COX7B2: variants seen among roughly 807,000 people sequenced by gnomAD.
COX7B2 encodes cytochrome c oxidase subunit 7B2.
For missense variants in COX7B2, 109 were observed against 95.9 expected (o/e 1.14, Z -0.57); for synonymous variants, 37 against 32.1 (o/e 1.15, Z -0.51).
intron 2 of COX7B2, among the ~76,000 whole-genome samples, chr4:46,815,364 A>C (rs866033782): frequency 1.3e-5 from 2 of 152,178 alleles, no homozygotes; most frequent in Non-Finnish European, 2.9e-5. Flanking sequence ...AGTTGATTCT[A>C]CTCAGAACTC....
intron 1 of COX7B2, among the ~76,000 whole-genome samples, chr4:46,906,957 C>G (rs1313871475): frequency 6.6e-6 from 1 of 152,132 alleles, no homozygotes; most frequent in Non-Finnish European, 1.5e-5. Flanking sequence ...GCTATGTTAC[C>G]TTGAAAACCA....
At chr4:46,908,055 G>A (rs116366362) in intron 1 of COX7B2, among the ~76,000 whole-genome samples, 1 of 151,772 alleles carries the variant, frequency 6.6e-6, no homozygotes, top group East Asian at 1.9e-4. Context: ...GTTTCACCCT[G>A]TTGGCCAGGA....
At chr4:46,740,108 T>A (rs968536429) in intron 2 of COX7B2, among the ~76,000 whole-genome samples, 1 of 152,094 alleles carries the variant, frequency 6.6e-6, no homozygotes, top group South Asian at 2.1e-4. Context: ...TTGTTCTGCA[T>A]TTTAGCTGCA....
rs187593372 is a variant in COX7B2 at position 46,808,338 on chromosome 4, G to T, written c.-50+36622C>A. Among the ~76,000 whole-genome samples, 193 of 151,698 alleles carry T rather than the reference G, an allele frequency of 1.3e-3. 3 individuals carry two copies. Among genetic ancestry groups the T allele is most frequent in the Admixed American group, 0.013 (192 of 15,242 alleles). On this transcript the variant is annotated intron_variant, in intron 2 of 2. Transcript: ENST00000355591. ...TTTTAGTTAGGCTGGGTTTTCAGTT[G>T]TGTATATAAATGCTGCTGATTTTTG...
chr4:46,852,712 G>T (rs1026181555), intron 1 of COX7B2, among the ~76,000 whole-genome samples: 1 of 152,086 alleles, frequency 6.6e-6, no homozygotes, highest in East Asian at 1.9e-4. Context: ...GACCTGGGCA[G>T]AATATGAAAA....
rs564503404 is a variant in COX7B2 at position 46,845,171 on chromosome 4, A to T, written c.-104-157T>A. Among the ~76,000 whole-genome samples the T allele has an allele frequency of 3.3e-5, 5 of 152,180 alleles. No individual in the cohort carries two copies. In the South Asian group the frequency reaches 1.0e-3, roughly 31 times the overall value. Reference sequence around the variant, plus strand: ...ATGATATCTGATTAAAATAATTTTTAAGAAACAAAGTTGAAAAGGAAGCAT... The same window carrying T: ...ATGATATCTGATTAAAATAATTTTTTAGAAACAAAGTTGAAAAGGAAGCAT... On this transcript the variant is annotated intron_variant, in intron 1 of 2. Coordinates refer to ENST00000355591, the MANE Select transcript of COX7B2 (RefSeq NM_130902.3).
In COX7B2 at chr4:46,766,612, G is replaced by T. The variant is rs533727489; in HGVS notation, c.-49-31371C>A. On this transcript the variant is annotated intron_variant, in intron 2 of 2. Coordinates refer to ENST00000355591, the MANE Select transcript of COX7B2 (RefSeq NM_130902.3). ...GGCTACTTGGGAGGCTGAGGCAGGA[G>T]AATCTCTTGACCCAGGAGGCAGAGG... Among the ~76,000 whole-genome samples the T allele has an allele frequency of 8.0e-5, 12 of 149,696 alleles. No individual in the cohort carries two copies. The South Asian group carries it at 2.6e-3, about 33-fold the overall frequency.
chr4:46,890,147 T>A (rs969771837), intron 1 of COX7B2, among the ~76,000 whole-genome samples: 11 of 152,066 alleles, frequency 7.2e-5, no homozygotes, highest in African/African-American at 2.7e-4. Context: ...CTGGAATGAG[T>A]CCTAAAGCTT....
intron 2 of COX7B2, among the ~76,000 whole-genome samples, chr4:46,764,997 T>A (rs920220525): frequency 6.6e-6 from 1 of 151,836 alleles, no homozygotes; most frequent in Non-Finnish European, 1.5e-5. Flanking sequence ...TATTCTGAAG[T>A]GTTAACATGC....
At chr4:46,789,359 G>A (rs1189454993) in intron 2 of COX7B2, among the ~76,000 whole-genome samples, 3 of 152,046 alleles carry the variant, frequency 2.0e-5, no homozygotes, top group Admixed American at 2.0e-4. Context: ...TCTCCAACTT[G>A]TTATGTTAGT....
At chr4:46,832,280 G>A (rs1025959341) in intron 2 of COX7B2, among the ~76,000 whole-genome samples, 2 of 152,050 alleles carry the variant, frequency 1.3e-5, no homozygotes, top group Non-Finnish European at 2.9e-5. Flanking sequence ...CCACCAGAAG[G>A]AAGAAACTCC....
intron 1 of COX7B2, among the ~76,000 whole-genome samples, chr4:46,865,577 G>A (rs774365718): frequency 3.3e-5 from 5 of 151,994 alleles, no homozygotes; most frequent in African/African-American, 9.7e-5. Context: ...TTTCTCTACC[G>A]CTTTGAACAA....
At chr4:46,890,622 G>A (rs150919999) in intron 1 of COX7B2, among the ~76,000 whole-genome samples, 62 of 152,272 alleles carry the variant, frequency 4.1e-4, no homozygotes, top group Middle Eastern at 6.8e-3. Context: ...CTGACAAGCT[G>A]ACACTTAAAC....
At chr4:46,867,814 A>C (rs751943738) in intron 1 of COX7B2, among the ~76,000 whole-genome samples, 1 of 152,198 alleles carries the variant, frequency 6.6e-6, no homozygotes, top group African/African-American at 2.4e-5. Context: ...TTCATCAAGA[A>C]TATTGGCCTG....
intron 1 of COX7B2, among the ~76,000 whole-genome samples, chr4:46,869,145 G>C (rs1032331466): frequency 6.6e-6 from 1 of 151,994 alleles, no homozygotes; most frequent in Non-Finnish European, 1.5e-5. Context: ...TGTCTTTTTT[G>C]ATCTTTGTTG....
At chr4:46,765,975 G>A (rs577999997) in intron 2 of COX7B2, among the ~76,000 whole-genome samples, 2 of 152,096 alleles carry the variant, frequency 1.3e-5, no homozygotes, top group Admixed American at 6.5e-5. Flanking sequence ...GGATCCAGGT[G>A]CCAAGCCTGC....
At chr4:46,866,775 C>G (rs1717692861) in intron 1 of COX7B2, among the ~76,000 whole-genome samples, 1 of 152,018 alleles carries the variant, frequency 6.6e-6, no homozygotes, top group Non-Finnish European at 1.5e-5. Flanking sequence ...GATTACAACA[C>G]TATTACAAAT....
rs150015271 is a variant in COX7B2 at position 46,838,442 on chromosome 4, C to T, written c.-50+6518G>A. Among the ~76,000 whole-genome samples, 9 of 151,996 alleles carry T rather than the reference C, an allele frequency of 5.9e-5. No homozygotes were observed. In the East Asian group the frequency reaches 1.5e-3, roughly 26 times the overall value. On this transcript the variant is annotated intron_variant, in intron 2 of 2. Transcript: ENST00000355591. Reference sequence around the variant, plus strand: ...TCTGTATTAGATGAAGTGTGCAGGCCGACTATAGTCACAGAAGCCAGTTTA... The same window carrying T: ...TCTGTATTAGATGAAGTGTGCAGGCTGACTATAGTCACAGAAGCCAGTTTA...
intron 1 of COX7B2, among the ~76,000 whole-genome samples, chr4:46,875,736 T>A (rs139667751): frequency 6.1e-4 from 92 of 151,838 alleles, no homozygotes; most frequent in Admixed American, 1.8e-3. Flanking sequence ...TTCCTTTTCA[T>A]CCCCCGTAGC....
Sources: gnomAD v4.1 joint callset for allele counts (sites outside exome capture counted in the v4.1 genomes callset) on GRCh38, gnomAD v4.1.1 for gene constraint, MANE v1.5 for transcripts, NCBI Gene and HGNC (gene_info 2026-07-23, HGNC 2026-07-21) for gene names.